RABGAP1L: variants seen among roughly 807,000 people sequenced by gnomAD.
RABGAP1L encodes RAB GTPase activating protein 1 like, also known as rab GTPase-activating protein 1-like.
Under a neutral mutation model 137.7 loss-of-function variants are expected in RABGAP1L, and 63 were observed. That is an observed-to-expected ratio of 0.46 (90% CI 0.37 to 0.56). The LOEUF (loss-of-function observed/expected upper bound fraction) is 0.56. RABGAP1L is among the 20% of genes least tolerant of loss of function. The pLI, the probability that RABGAP1L is intolerant of heterozygous loss-of-function variation, is 0.00. For synonymous variants in RABGAP1L, 431 were observed against 433.7 expected (o/e 0.99, Z 0.08); for missense variants, 1,095 against 1,244.0 (o/e 0.88, Z 1.80).
intron 5 of RABGAP1L, among the ~76,000 whole-genome samples, 166 bp downstream of exon 5, chr1:174,241,823 T>C (rs1671852141): frequency 6.6e-6 from 1 of 152,222 alleles, no homozygotes; most frequent in African/African-American, 2.4e-5. Flanking sequence ...AAGCCAAGTC[T>C]GGTATATCTG....
chr1:174,647,648 G>A (rs1201431039), intron 14 of RABGAP1L, among the ~76,000 whole-genome samples: 2 of 152,062 alleles, frequency 1.3e-5, no homozygotes, highest in African/African-American at 2.4e-5. Context: ...TGTTCATCGG[G>A]GGTATTGGCC....
chr1:174,342,798 G>C (rs914767843), intron 11 of RABGAP1L, among the ~76,000 whole-genome samples: 1 of 150,018 alleles, frequency 6.7e-6, no homozygotes, highest in African/African-American at 2.5e-5. Flanking sequence ...GAGTGCAGTA[G>C]TGCCCTCTCG....
intron 18 of RABGAP1L, among the ~76,000 whole-genome samples, chr1:174,753,314 A>G (rs1296748151): frequency 6.6e-6 from 1 of 152,190 alleles, no homozygotes; most frequent in Non-Finnish European, 1.5e-5. Flanking sequence ...CATTCTTCTG[A>G]ATCTCTCAAA....
intron 17 of RABGAP1L, among the ~76,000 whole-genome samples, chr1:174,727,602 A>T (rs1682097021): frequency 6.6e-6 from 1 of 152,208 alleles, no homozygotes; most frequent in South Asian, 2.1e-4. Flanking sequence ...AAGTTCTGGT[A>T]TTCTATTGCA....
chr1:174,620,622 C>T (rs1672362824), intron 13 of RABGAP1L, among the ~76,000 whole-genome samples: 1 of 151,968 alleles, frequency 6.6e-6, no homozygotes, highest in African/African-American at 2.4e-5. Context: ...ATCTCTGGGA[C>T]ACATTCAAAG....
intron 11 of RABGAP1L, among the ~76,000 whole-genome samples, chr1:174,355,659 G>A (rs1055591161): frequency 6.6e-6 from 1 of 151,774 alleles, no homozygotes; most frequent in Non-Finnish European, 1.5e-5. Flanking sequence ...CCTTAATATT[G>A]TTAGCTGTTC....
intron 17 of RABGAP1L, among the ~76,000 whole-genome samples, chr1:174,735,463 G>A (rs2568096): frequency 0.37 from 56,268 of 150,562 alleles, 13,830 homozygotes; most frequent in African/African-American, 0.7. Context: ...ACCTGAGACC[G>A]GGGCTGGGCG....
chr1:174,741,893 G>A (rs1202444456), intron 17 of RABGAP1L, among the ~76,000 whole-genome samples: 21 of 138,762 alleles, frequency 1.5e-4, no homozygotes, highest in Non-Finnish European at 2.9e-4. Context: ...AGAAAAATTA[G>A]CCAGGCATGG....
At chr1:174,961,307 G>C (rs1669066045) in intron 20 of RABGAP1L, among the ~76,000 whole-genome samples, 1 of 152,194 alleles carries the variant, frequency 6.6e-6, no homozygotes. Context: ...ATGTGTAGCT[G>C]TTTTAGTATA....
At chr1:174,452,922 C>T (rs1655604026) in intron 13 of RABGAP1L, among the ~76,000 whole-genome samples, 1 of 152,118 alleles carries the variant, frequency 6.6e-6, no homozygotes, top group Non-Finnish European at 1.5e-5. Context: ...ACTTAAAGGT[C>T]ACTAATCCCA....
intron 13 of RABGAP1L, among the ~76,000 whole-genome samples, chr1:174,588,456 C>T (rs1454275957): frequency 5.3e-5 from 8 of 151,864 alleles, no homozygotes; most frequent in Admixed American, 2.0e-4. Flanking sequence ...TGAGCCACCA[C>T]GCCTGGCCCG....
chr1:174,686,645 A>G (rs959483806), intron 15 of RABGAP1L, among the ~76,000 whole-genome samples: 7 of 131,026 alleles, frequency 5.3e-5, no homozygotes, highest in Admixed American at 2.3e-4. Context: ...TGAACAAAGC[A>G]ATCTTTTTTT....
chr1:174,895,599 C>G lies in RABGAP1L; in HGVS notation c.2341-61858C>G, dbSNP rs190519137. Among the ~76,000 whole-genome samples the G allele has an allele frequency of 6.6e-4, 101 of 152,186 alleles. 1 individual carries two copies. The East Asian group carries it at 0.012, about 18-fold the overall frequency. ...TAATGCTATCCCTCCCCACTCCCCC[C>G]ACCCCATGACGGGCCCCAGTATGTG... On this transcript the variant is annotated intron_variant, in intron 19 of 25. Transcript: ENST00000681986.
chr1:174,395,509 AACACCTCTGTGAT>A (rs1362868737), intron 13 of RABGAP1L, among the ~76,000 whole-genome samples: 1 of 152,208 alleles, frequency 6.6e-6, no homozygotes, highest in East Asian at 1.9e-4. Context: ...TGGCGGTTTA[AACACCTCTGTGAT>A]TTTTTTCATT....
chr1:174,230,826 C>G (rs1308429291), intron 3 of RABGAP1L, among the ~76,000 whole-genome samples: 2 of 151,998 alleles, frequency 1.3e-5, no homozygotes, highest in South Asian at 2.1e-4. Flanking sequence ...TACTTGTACT[C>G]TATCTTTTTG....
intron 13 of RABGAP1L, among the ~76,000 whole-genome samples, chr1:174,539,539 G>A (rs970760629): frequency 3.9e-5 from 6 of 152,118 alleles, no homozygotes; most frequent in Admixed American, 2.6e-4. Flanking sequence ...GAGAACATGC[G>A]GTGTTTGGTT....
intron 11 of RABGAP1L, among the ~76,000 whole-genome samples, chr1:174,338,769 A>G (rs771509205): frequency 3.3e-5 from 5 of 152,006 alleles, no homozygotes; most frequent in Non-Finnish European, 7.4e-5. Flanking sequence ...ATTCTTTCAT[A>G]TTTAACATTT....
chr1:174,309,711 T>A (rs1203004209), intron 11 of RABGAP1L, among the ~76,000 whole-genome samples: 1 of 152,166 alleles, frequency 6.6e-6, no homozygotes, highest in Non-Finnish European at 1.5e-5. Flanking sequence ...TCCCACTTGA[T>A]CATGATGAAT....
chr1:174,603,362 G>A (rs149457758), intron 13 of RABGAP1L, among the ~76,000 whole-genome samples: 2 of 152,132 alleles, frequency 1.3e-5, no homozygotes, highest in Non-Finnish European at 2.9e-5. Context: ...GGTGACACAA[G>A]CACCTGGTGG....
Sources: gnomAD v4.1 joint callset for allele counts (sites outside exome capture counted in the v4.1 genomes callset) on GRCh38, gnomAD v4.1.1 for gene constraint, MANE v1.5 for transcripts, NCBI Gene and HGNC (gene_info 2026-07-23, HGNC 2026-07-21) for gene names.